Variants in CACNA1S observed in about 807,000 individuals in gnomAD.
CACNA1S encodes voltage-dependent L-type calcium channel subunit alpha-1S.
Under a neutral mutation model 207.4 loss-of-function variants are expected in CACNA1S, and 126 were observed. The observed-to-expected ratio is 0.61, with a 90% CI of 0.53 to 0.70. CACNA1S has a LOEUF of 0.70. Ranked by LOEUF, CACNA1S falls within the 30% of genes least tolerant of loss-of-function variation. The pLI is 0.00. For synonymous variants in CACNA1S, 960 were observed against 932.7 expected (o/e 1.03, Z -0.53); for missense variants, 2,349 against 2,422.8 (o/e 0.97, Z 0.64).
At position 201,050,613 on chromosome 1, in the gene CACNA1S, C is replaced by T. The variant is rs193034366; in HGVS notation, c.4114-97G>A. 3.0e-5 allele frequency: 43 copies of T among 1,420,012 alleles called. No homozygotes were observed. The East Asian group carries it at 8.1e-4, about 27-fold the overall frequency. The allele number at this position is 1,420,012 out of a possible 1,614,324, so 88.0% of individuals were successfully genotyped here. A position where few individuals can be genotyped will look rare whatever the true frequency, so the allele number is the denominator to read the frequency against. ...AGGTGTCCACTGGCCCACAACTTCT[C>T]GCTTCCTGTGCCCTTGATTCTAGCC... is the stretch of plus-strand genomic sequence containing the variant. On this transcript the variant is annotated intron_variant, in intron 33 of 43. Coordinates refer to ENST00000362061, the MANE Select transcript of CACNA1S (RefSeq NM_000069.3).
intron 22 of CACNA1S, among the ~76,000 whole-genome samples, chr1:201,063,183 A>T (rs55922503): frequency 0.2 from 28,716 of 147,072 alleles, 3,876 homozygotes; most frequent in East Asian, 0.45. Context: ...AATTTTTTTT[A>T]AATTATACTT....
At chr1:201,110,334 G>A in intron 1 of CACNA1S, 65 bp from the exon 2 acceptor site, 1 of 1,358,148 alleles carries the variant, frequency 7.4e-7, no homozygotes, top group African/African-American at 1.4e-5. Flanking sequence ...AGGGGATGAG[G>A]GCGCTGAGGG....
At chr1:201,075,737 T>C (rs1378246894) in intron 12 of CACNA1S, 122 bp from the exon 13 acceptor site, 1 of 1,135,184 alleles carries the variant, frequency 8.8e-7, no homozygotes, top group Non-Finnish European at 1.3e-6. Context: ...CCTCTTTTCA[T>C]TCCACAGTCT....
chr1:201,045,033 G>T (rs1412753915), intron 38 of CACNA1S, among the ~76,000 whole-genome samples: 1 of 152,200 alleles, frequency 6.6e-6, no homozygotes, highest in Non-Finnish European at 1.5e-5. Flanking sequence ...AGGCTTCCAG[G>T]TTGAGAAGTG....
chr1:201,066,463 C>A lies in CACNA1S; in HGVS notation c.2658-147G>T. 1.4e-6 allele frequency: 1 copy of A among 726,332 alleles called. No individual in the cohort carries two copies. 45.0% of individuals were successfully genotyped at this position (726,332 alleles called of 1,614,324 possible). On this transcript the variant is annotated intron_variant, in intron 20 of 43. Coordinates refer to ENST00000362061, the MANE Select transcript of CACNA1S (RefSeq NM_000069.3). This position sits in a 1 kb window ranked among gnomAD's most constrained non-coding sequence, Gnocchi z 4.3. ...CACCTTCCCCTTCCCTTTCCTCCAG[C>A]CGTGAGAGTGTGCCCGACTCCAGGG... is the stretch of plus-strand genomic sequence containing the variant.
chr1:201,080,633 G>A (rs746437421), intron 10 of CACNA1S, among the ~76,000 whole-genome samples: 3 of 151,668 alleles, frequency 2.0e-5, no homozygotes, highest in Non-Finnish European at 4.4e-5. Context: ...AGTCTCCTTT[G>A]TACTGTTCTA....
chr1:201,099,377 G>A (rs1023432288), intron 2 of CACNA1S, among the ~76,000 whole-genome samples: 2 of 152,234 alleles, frequency 1.3e-5, no homozygotes, highest in Non-Finnish European at 2.9e-5. Context: ...GGCCTGGGAA[G>A]GGGCTGGCAG....
rs528604695 is a variant in CACNA1S at position 201,069,586 on chromosome 1, A to G, written c.2376T>C (p.Cys792=). The change falls in exon 18 of 44, where the codon TGT becomes TGC. Residue 792 remains cysteine, a synonymous_variant. Coordinates refer to ENST00000362061, the MANE Select transcript of CACNA1S (RefSeq NM_000069.3). ...ACCAGGTGGCATTGACGATGCGGTG[A>G]CACAGGACACGGATCCTGGTGGGGC... The part of the protein sequence containing the change: ...FSPTNKIRVL[C]HRIVNATWFT... 5.3e-5 allele frequency: 82 copies of G among 1,557,066 alleles called. No homozygotes were observed. Among genetic ancestry groups the G allele is most frequent in the Admixed American group, 1.4e-4 (7 of 51,016 alleles).
intron 2 of CACNA1S, among the ~76,000 whole-genome samples, chr1:201,106,116 C>T (rs1662872428): frequency 6.6e-6 from 1 of 152,092 alleles, no homozygotes; most frequent in South Asian, 2.1e-4. Context: ...GCCATCTGCT[C>T]TGTCCACTTC....
In CACNA1S at chr1:201,065,902, T is replaced by C. The variant is rs747983341; in HGVS notation, c.2789A>G (p.Asn930Ser). The C allele has an allele frequency of 6.2e-7, 1 of 1,614,078 alleles. No individual in the cohort carries two copies. Among genetic ancestry groups the C allele is most frequent in the East Asian group, 2.2e-5 (1 of 44,874 alleles). The part of the protein sequence containing the change: ...CMFVAISTIG[N>S]IVLVTTLLQF... ...TAGGAGGGTAGTGACCAGCACGATG[T>C]TCCCGATGGTGCTGATGGCCACGAA... Residue 930 changes from asparagine (N) to serine (S), a missense_variant, in exon 22 of 44, where the codon AAC (asparagine) becomes AGC (serine). Asn to Ser is a conservative substitution (Grantham distance 46). Transcript: ENST00000362061.
chr1:201,044,179 G>C, intron 39 of CACNA1S, 149 bp downstream of exon 39: 1 of 839,462 alleles, frequency 1.2e-6, no homozygotes, highest in Non-Finnish European at 1.9e-6. Context: ...AGTCCCAGGA[G>C]AGGTGGGTGG....
At position 201,075,589 on chromosome 1, in the gene CACNA1S, T is replaced by C; in HGVS notation, c.1854A>G (p.Ser618=). Residue 618 remains serine (S), a synonymous_variant, in exon 13 of 44, where the codon TCA becomes TCG. Coordinates refer to ENST00000362061, the MANE Select transcript of CACNA1S (RefSeq NM_000069.3). The part of the protein sequence containing the change: ...FQVLTGEDWT[S]MMYNGIMAYG... The stretch of plus-strand genomic sequence containing the variant: ...AGGCCATGATCCCATTGTACATCAT[T>C]GAGGTCCAGTCTTCCCCTGTCAGTA... The C allele has an allele frequency of 1.9e-6, 3 of 1,614,154 alleles. No individual in the cohort carries two copies. Among genetic ancestry groups the C allele is most frequent in the Non-Finnish European group, 1.7e-6 (2 of 1,179,978 alleles).
chr1:201,063,131 CT>C (rs111683985), intron 22 of CACNA1S, among the ~76,000 whole-genome samples: 1,645 of 115,408 alleles, frequency 0.014, 25 homozygotes, highest in African/African-American at 0.037. Context: ...GCAGTTAATC[CT>C]TTTTTTTTTT....
In CACNA1S at chr1:201,066,675, C is replaced by T. The variant is rs1168797259; in HGVS notation, c.2657+212G>A. 1.3e-5 allele frequency among the ~76,000 whole-genome samples: 2 copies of T among 152,216 alleles called. No individual in the cohort carries two copies. The highest frequency in any genetic ancestry group is 4.8e-5 in the African/African-American group (2 of 41,454). On this transcript the variant is annotated intron_variant, in intron 20 of 43. Transcript: ENST00000362061. The surrounding 1 kb of genome is among the most constrained non-coding windows in gnomAD (Gnocchi z 4.3). ...ACTTCCTCCTCTCTGCATCTCCTGC[C>T]AGTCTCTAGAACAGAGCGCTGCCCA...
chr1:201,057,313 A>T (rs1239230285), intron 28 of CACNA1S, among the ~76,000 whole-genome samples: 2 of 151,260 alleles, frequency 1.3e-5, no homozygotes, highest in Non-Finnish European at 3.0e-5. Flanking sequence ...TTCTGCCAAC[A>T]CTCTGGCCCC....
At chr1:201,089,937 G>A (rs1364952548) in intron 5 of CACNA1S, among the ~76,000 whole-genome samples, 1 of 152,218 alleles carries the variant, frequency 6.6e-6, no homozygotes, top group African/African-American at 2.4e-5. Context: ...GCAGGGGTCT[G>A]CACTCAGGGG....
chr1:201,068,367 T>A (rs543482023), intron 19 of CACNA1S, among the ~76,000 whole-genome samples: 1 of 148,366 alleles, frequency 6.7e-6, no homozygotes, highest in Non-Finnish European at 1.5e-5. Context: ...CTCAGCCTCC[T>A]GAGTAGTTGG....
chr1:201,089,692 A>G (rs1375198253), intron 5 of CACNA1S, among the ~76,000 whole-genome samples: 2 of 152,244 alleles, frequency 1.3e-5, no homozygotes, highest in Non-Finnish European at 2.9e-5. Flanking sequence ...CCTGGGCCTC[A>G]TGGCAGGGTC....
intron 2 of CACNA1S, among the ~76,000 whole-genome samples, chr1:201,101,980 G>A (rs1662686937): frequency 6.6e-6 from 1 of 152,218 alleles, no homozygotes; most frequent in South Asian, 2.1e-4. Flanking sequence ...CTGCCCCAAA[G>A]GGGCTTTCTC....
Sources: gnomAD v4.1 joint callset for allele counts (sites outside exome capture counted in the v4.1 genomes callset) on GRCh38, gnomAD v4.1.1 for gene constraint, Gnocchi (gnomAD v3.1) non-coding constraint, MANE v1.5 for transcripts, NCBI Gene and HGNC (gene_info 2026-07-23, HGNC 2026-07-21) for gene names.